IGSF21: variants seen among roughly 807,000 people sequenced by gnomAD.
IGSF21 encodes immunoglobulin superfamily member 21.
Under a neutral mutation model 46.8 loss-of-function variants are expected in IGSF21, and 28 were observed. That is an observed-to-expected ratio of 0.60 (90% confidence interval 0.44 to 0.82). The LOEUF is 0.82. Among genes scored for constraint, IGSF21 ranks in the 40% least tolerant of loss-of-function variants. The pLI is 0.00. For missense variants in IGSF21, 624 were observed against 665.5 expected, an observed-to-expected ratio of 0.94 and a Z score of 0.69; for synonymous variants, 284 against 273.6, an observed-to-expected ratio of 1.04 and a Z score of -0.38.
At chr1:18,370,969 G>T (rs977934492) in intron 6 of IGSF21, among the ~76,000 whole-genome samples, 1 of 152,168 alleles carries the variant, frequency 6.6e-6, no homozygotes, top group Non-Finnish European at 1.5e-5. Context: ...CTCATGCTTT[G>T]CTGACTGCAG....
At chr1:18,156,864 C>G (rs908252325) in intron 1 of IGSF21, among the ~76,000 whole-genome samples, 1 of 152,216 alleles carries the variant, frequency 6.6e-6, no homozygotes. Flanking sequence ...AAAAGACATT[C>G]AGACTCTCCC....
intron 2 of IGSF21, among the ~76,000 whole-genome samples, chr1:18,252,554 A>G (rs2084853326): frequency 6.6e-6 from 1 of 152,204 alleles, no homozygotes; most frequent in Non-Finnish European, 1.5e-5. Context: ...CTGTCTATGA[A>G]GTCAAGTGAT....
intron 4 of IGSF21, among the ~76,000 whole-genome samples, chr1:18,347,367 G>A (rs1474108630): frequency 6.6e-6 from 1 of 152,206 alleles, no homozygotes; most frequent in Non-Finnish European, 1.5e-5. Flanking sequence ...GAGTGGCGCT[G>A]AGATTGGAGC....
At chr1:18,229,417 C>T (rs954017253) in intron 2 of IGSF21, among the ~76,000 whole-genome samples, 15 of 152,316 alleles carry the variant, frequency 9.8e-5, no homozygotes, top group Middle Eastern at 3.4e-3. Flanking sequence ...TGCTCTTGGT[C>T]CAGGTGAGCT....
intron 2 of IGSF21, among the ~76,000 whole-genome samples, chr1:18,245,274 G>T (rs1000796677): frequency 2.6e-5 from 4 of 152,038 alleles, no homozygotes; most frequent in Non-Finnish European, 4.4e-5. Context: ...TTAATTAAAT[G>T]CTCCTTAAAA....
At chr1:18,217,839 C>T (rs946773980) in intron 1 of IGSF21, among the ~76,000 whole-genome samples, 2 of 152,214 alleles carry the variant, frequency 1.3e-5, no homozygotes, top group Admixed American at 1.3e-4. Flanking sequence ...AGTCACTCTG[C>T]ATCTATGAGC....
rs2085610872 is a variant in IGSF21 at position 18,322,308 on chromosome 1, C to T, written c.306-12584C>T. On this transcript the variant is annotated intron_variant, in intron 3 of 9. Coordinates refer to ENST00000251296, the MANE Select transcript of IGSF21 (RefSeq NM_032880.5). The surrounding 1 kb of genome is among the most constrained non-coding windows in gnomAD (Gnocchi z 4.3). The stretch of plus-strand genomic sequence containing the variant: ...GTTCATTGAAAAAAGATCATAGAAA[C>T]AACAGGTTGAGGAAGTCCGGGAAAC... Among the ~76,000 whole-genome samples, 1 of 152,026 alleles carries T rather than the reference C, an allele frequency of 6.6e-6. No individual in the cohort carries two copies. Among genetic ancestry groups the T allele is most frequent in the Admixed American group, 6.5e-5 (1 of 15,270 alleles).
At chr1:18,177,942 C>G (rs757022793) in intron 1 of IGSF21, among the ~76,000 whole-genome samples, 11 of 152,018 alleles carry the variant, frequency 7.2e-5, no homozygotes, top group Non-Finnish European at 1.3e-4. Context: ...GGGTGGGATG[C>G]AAAGGTGGGC....
chr1:18,339,576 T>A (rs1456698073), intron 4 of IGSF21, among the ~76,000 whole-genome samples: 3 of 152,124 alleles, frequency 2.0e-5, no homozygotes, highest in Non-Finnish European at 4.4e-5. Flanking sequence ...TACAAAACAT[T>A]AGCTGGGCTG....
chr1:18,338,313 C>T (rs778659626), intron 4 of IGSF21, among the ~76,000 whole-genome samples: 9 of 152,170 alleles, frequency 5.9e-5, no homozygotes, highest in Non-Finnish European at 1.3e-4. Flanking sequence ...AAATTAAAAT[C>T]GACTCATTGC....
intron 4 of IGSF21, among the ~76,000 whole-genome samples, chr1:18,352,219 T>A (rs2085965279): frequency 6.6e-6 from 1 of 152,250 alleles, no homozygotes; most frequent in South Asian, 2.1e-4. Context: ...TCAGTAATCA[T>A]CTTCACTCCT....
At chr1:18,130,868 G>T (rs557331391) in intron 1 of IGSF21, among the ~76,000 whole-genome samples, 248 of 152,344 alleles carry the variant, frequency 1.6e-3, no homozygotes, top group African/African-American at 5.8e-3. Context: ...TCCATGTCCG[G>T]CTGTCCCTGT....
rs1480283060 is a variant in IGSF21, at chr1:18,337,931, G to C, written c.424+2921G>C. ...TAGGGTGGGGGTTATCTCTGTGCCA[G>C]AGGAGCGTGGCTTCTGTAGCTCACC... On this transcript the variant is annotated intron_variant, in intron 4 of 9. Coordinates refer to ENST00000251296, the MANE Select transcript of IGSF21 (RefSeq NM_032880.5). The surrounding 1 kb of genome is among the most constrained non-coding windows in gnomAD (Gnocchi z 5.7). Among the ~76,000 whole-genome samples the C allele has an allele frequency of 6.6e-6, 1 of 152,308 alleles. No homozygotes were observed. Among genetic ancestry groups the C allele is most frequent in the East Asian group, 1.9e-4 (1 of 5,176 alleles).
In IGSF21 at chr1:18,365,311, G is replaced by A. The variant is rs1233729204; in HGVS notation, c.629G>A (p.Arg210Lys). 2 of 1,614,106 alleles carry A rather than the reference G, an allele frequency of 1.2e-6. No homozygotes were observed. The highest frequency in any genetic ancestry group is 2.2e-5 in the South Asian group (2 of 91,078). Residue 210 changes from arginine (R) to lysine (K), a missense_variant, in exon 6 of 10, where the codon AGG becomes AAG. Transcript: ENST00000251296. The surrounding 1 kb of genome is among the most constrained non-coding windows in gnomAD (Gnocchi z 4.8). Reference protein sequence around the residue: ...AASSGPLQDSRPFRSLLHRDL... With the variant: ...AASSGPLQDSKPFRSLLHRDL... ...AGCTCCGGCCCCCTACAGGACAGCA[G>A]GCCCTTCCGCAGCCTTCTGCACCGT...
intron 1 of IGSF21, among the ~76,000 whole-genome samples, chr1:18,152,574 C>A (rs2086530032): frequency 6.6e-6 from 1 of 152,148 alleles, no homozygotes. Flanking sequence ...AAAGTGAGAC[C>A]AGGCATCCGA....
intron 4 of IGSF21, among the ~76,000 whole-genome samples, chr1:18,346,667 C>A (rs574993180): frequency 1.3e-5 from 2 of 152,282 alleles, no homozygotes; most frequent in South Asian, 2.1e-4. Flanking sequence ...CAGCAGCCAG[C>A]GATCGCAGAA....
At chr1:18,118,403 G>T (rs2086206136) in intron 1 of IGSF21, among the ~76,000 whole-genome samples, 1 of 152,226 alleles carries the variant, frequency 6.6e-6, no homozygotes, top group African/African-American at 2.4e-5. Context: ...TGGGGCAGCT[G>T]GAGGGTGGGT....
chr1:18,126,430 G>T (rs979808340), intron 1 of IGSF21, among the ~76,000 whole-genome samples: 1 of 152,078 alleles, frequency 6.6e-6, no homozygotes, highest in Non-Finnish European at 1.5e-5. Flanking sequence ...GAGGCCTTTG[G>T]GTTGTCCCAG....
chr1:18,306,098 A>G (rs1346262467), intron 3 of IGSF21, among the ~76,000 whole-genome samples: 1 of 152,096 alleles, frequency 6.6e-6, no homozygotes, highest in Non-Finnish European at 1.5e-5. Context: ...TGCTGCTTGA[A>G]GCCCTCCATG....
Sources: gnomAD v4.1 joint callset for allele counts (sites outside exome capture counted in the v4.1 genomes callset) on GRCh38, gnomAD v4.1.1 for gene constraint, Gnocchi (gnomAD v3.1) non-coding constraint, MANE v1.5 for transcripts, NCBI Gene and HGNC (gene_info 2026-07-23, HGNC 2026-07-21) for gene names.